RAP1GAP2: variants seen among roughly 807,000 people sequenced by gnomAD.
RAP1GAP2 encodes RAP1 GTPase activating protein 2.
Under a neutral mutation model 95.0 loss-of-function variants are expected in RAP1GAP2, and 27 were observed. That is an observed-to-expected ratio of 0.28 (90% CI 0.21 to 0.39). The LOEUF (loss-of-function observed/expected upper bound fraction) is 0.39, where lower values mean the gene tolerates loss of function less well. Among genes scored for constraint, RAP1GAP2 ranks in the 10% least tolerant of loss-of-function variants. The pLI is 1.00. For synonymous variants in RAP1GAP2, 373 were observed against 380.9 expected (o/e 0.98, Z 0.24); for missense variants, 771 against 970.0 (o/e 0.79, Z 2.72).
chr17:2,926,134 A>AAAG, intron 3 of RAP1GAP2, among the ~76,000 whole-genome samples: 1 of 151,790 alleles, frequency 6.6e-6, no homozygotes, highest in East Asian at 1.9e-4. Context: ...TCAAAAAAAA[A>AAAG]AAAAAAAAAA....
intron 2 of RAP1GAP2, among the ~76,000 whole-genome samples, chr17:2,849,407 C>G (rs535793537): frequency 6.6e-6 from 1 of 152,262 alleles, no homozygotes; most frequent in African/African-American, 2.4e-5. Context: ...ACGAGGGGCA[C>G]GGGGATTGGG....
chr17:2,795,806 A>C (rs1236443125), upstream of RAP1GAP2, among the ~76,000 whole-genome samples: 1 of 151,986 alleles, frequency 6.6e-6, no homozygotes, highest in African/African-American at 2.4e-5. Flanking sequence ...TGGTGTGTGG[A>C]TGTGCACGGG....
chr17:3,001,646 A>G (rs115118588), intron 14 of RAP1GAP2, among the ~76,000 whole-genome samples: 2,033 of 151,048 alleles, frequency 0.013, 104 homozygotes, highest in African/African-American at 0.047. Flanking sequence ...AGCAGGGAGT[A>G]CAGGTCAGCC....
At chr17:3,020,775 C>T (rs1259807633) in intron 19 of RAP1GAP2, among the ~76,000 whole-genome samples, 180 bp downstream of exon 19, 2 of 152,206 alleles carry the variant, frequency 1.3e-5, no homozygotes, top group Admixed American at 1.3e-4. Context: ...TCCAAAGAGG[C>T]GGACTTGGCC....
In RAP1GAP2 at chr17:2,789,305, C is replaced by T. The variant is rs557926891; in HGVS notation, c.-13-11210C>T. Reference sequence around the variant, plus strand: ...TCAGGTGATCCACCCGCCTTGTCCTCCCAAAGTGCTGGGATTACAGGTGTG... The same window carrying T: ...TCAGGTGATCCACCCGCCTTGTCCTTCCAAAGTGCTGGGATTACAGGTGTG... On this transcript the variant is annotated intron_variant, in intron 1 of 24. Coordinates refer to the RAP1GAP2 transcript ENST00000540393. 2.6e-5 allele frequency among the ~76,000 whole-genome samples: 4 copies of T among 152,262 alleles called. 1 individual carries two copies. In the South Asian group the frequency reaches 8.3e-4, roughly 32 times the overall value.
chr17:2,879,341 A>C (rs1386406163), intron 2 of RAP1GAP2, among the ~76,000 whole-genome samples: 6 of 151,576 alleles, frequency 4.0e-5, no homozygotes, highest in Admixed American at 2.0e-4. Context: ...GTTTCGAACT[A>C]CTGACCTCAA....
rs777816358 is a variant in RAP1GAP2, at chr17:2,998,366, C to T, written c.1190C>T (p.Pro397Leu). ...VQVETPGTET[P>L]SYKVSVTARE... ...GTCGAGACCCCAGGCACAGAGACCCCATCCTACAAGGTAAGGAGAACGCCT... is the reference window on the plus strand; with the variant it reads ...GTCGAGACCCCAGGCACAGAGACCCTATCCTACAAGGTAAGGAGAACGCCT... The change falls in exon 14 of 25, where the codon CCA becomes CTA. Residue 397 changes from proline to leucine, a missense_variant. Transcript: ENST00000254695. 1 of 1,613,982 alleles carries T rather than the reference C, an allele frequency of 6.2e-7. No individual in the cohort carries two copies. The highest frequency in any genetic ancestry group is 1.1e-5 in the South Asian group (1 of 91,082).
intron 10 of RAP1GAP2, among the ~76,000 whole-genome samples, chr17:2,982,933 C>T (rs1002625177): frequency 1.4e-4 from 21 of 152,198 alleles, no homozygotes; most frequent in Non-Finnish European, 2.5e-4. Context: ...TTAAAATTTG[C>T]AGAGTTTAGA....
intron 2 of RAP1GAP2, among the ~76,000 whole-genome samples, chr17:2,877,748 T>C (rs953966404): frequency 6.6e-6 from 1 of 152,166 alleles, no homozygotes; most frequent in Admixed American, 6.6e-5. Context: ...ATTAAATGAA[T>C]GCCTGAAATT....
chr17:2,970,291 A>AAT (rs1555582355), intron 8 of RAP1GAP2, among the ~76,000 whole-genome samples: 1 of 138,090 alleles, frequency 7.2e-6, no homozygotes, highest in Non-Finnish European at 1.5e-5. Context: ...AAAAAAAAAA[A>AAT]AAAAATAATA....
In RAP1GAP2 at chr17:3,008,002, C is replaced by T; in HGVS notation, c.1360-9C>T. 6.2e-7 allele frequency: 1 copy of T among 1,613,192 alleles called. No individual in the cohort carries two copies. The highest frequency in any genetic ancestry group is 8.5e-7 in the Non-Finnish European group (1 of 1,179,376). ...CCAGCTTCTCCATCCCCACCCTCTT[C>T]CCTTCTAGGACCGGACCAGGGCTGC... On this transcript the variant is annotated splice_polypyrimidine_tract_variant and intron_variant, in intron 16 of 24. Transcript: ENST00000254695. This position sits in a 1 kb window ranked among gnomAD's most constrained non-coding sequence, Gnocchi z 4.2.
chr17:2,861,268 C>G (rs1045820760), intron 2 of RAP1GAP2, among the ~76,000 whole-genome samples: 12 of 151,878 alleles, frequency 7.9e-5, no homozygotes, highest in African/African-American at 2.7e-4. Context: ...CTGATCGTAT[C>G]TAGTGTGTGC....
At chr17:2,889,889 A>ATATATATATATT (rs1408426152) in intron 2 of RAP1GAP2, among the ~76,000 whole-genome samples, 33 of 57,310 alleles carry the variant, frequency 5.8e-4, no homozygotes, top group East Asian at 1.3e-3. Flanking sequence ...ATATATATAT[A>ATATATATATATT]TTTTTTTTTT....
chr17:3,016,091 C>A (rs1016011142), intron 17 of RAP1GAP2, among the ~76,000 whole-genome samples: 2 of 152,156 alleles, frequency 1.3e-5, no homozygotes, highest in African/African-American at 4.8e-5. Flanking sequence ...ACTCGTGGCT[C>A]AGTCAGCATC....
rs2072078512 is a variant in RAP1GAP2 at position 2,855,128 on chromosome 17, C to T, written c.81-50156C>T. ...AGGGAATACGGGGGACTTTGAGAAG[C>T]TGGCATGGATTGCCCTTGTGGTGGG... On this transcript the variant is annotated intron_variant, in intron 2 of 24. Coordinates refer to ENST00000254695, the MANE Select transcript of RAP1GAP2 (RefSeq NM_015085.5). The surrounding 1 kb of genome is among the most constrained non-coding windows in gnomAD (Gnocchi z 4.3). Among the ~76,000 whole-genome samples the T allele has an allele frequency of 6.6e-6, 1 of 152,220 alleles. No homozygotes were observed. The highest frequency in any genetic ancestry group is 2.4e-5 in the African/African-American group (1 of 41,454).
intron 2 of RAP1GAP2, among the ~76,000 whole-genome samples, chr17:2,887,160 C>T (rs976286077): frequency 1.3e-5 from 2 of 151,674 alleles, no homozygotes; most frequent in South Asian, 4.2e-4. Context: ...TAGGTCCAAG[C>T]GATTCTAGTG....
chr17:2,978,337 G>T (rs2045212724), intron 8 of RAP1GAP2, among the ~76,000 whole-genome samples: 1 of 152,090 alleles, frequency 6.6e-6, no homozygotes, highest in Non-Finnish European at 1.5e-5. Context: ...AAGGATGAGG[G>T]TGGCTTGAAC....
At chr17:2,917,967 C>T (rs547113735) in intron 3 of RAP1GAP2, among the ~76,000 whole-genome samples, 4 of 152,158 alleles carry the variant, frequency 2.6e-5, no homozygotes, top group African/African-American at 7.2e-5. Flanking sequence ...CCACCTGCCT[C>T]GGCCTCCGGA....
chr17:2,889,061 T>A (rs1359958424), intron 2 of RAP1GAP2, among the ~76,000 whole-genome samples: 2 of 152,146 alleles, frequency 1.3e-5, no homozygotes, highest in Non-Finnish European at 2.9e-5. Flanking sequence ...AGATGGCTCT[T>A]CAACAGGCTG....
Sources: gnomAD v4.1 joint callset for allele counts (sites outside exome capture counted in the v4.1 genomes callset) on GRCh38, gnomAD v4.1.1 for gene constraint, Gnocchi (gnomAD v3.1) non-coding constraint, MANE v1.5 for transcripts, NCBI Gene and HGNC (gene_info 2026-07-23, HGNC 2026-07-21) for gene names.